CAMTA1: variants seen among roughly 807,000 people sequenced by gnomAD.
CAMTA1 encodes the protein calmodulin-binding transcription activator 1.
In CAMTA1, 27 loss-of-function variants were observed where a neutral mutation model predicts 170.9. The ratio of observed to expected loss-of-function variants is 0.16; its 90% CI spans 0.12 to 0.22. The LOEUF (loss-of-function observed/expected upper bound fraction) is 0.22. Among genes scored for constraint, CAMTA1 ranks in the 10% least tolerant of loss-of-function variants. CAMTA1 has a pLI of 1.00. For missense variants in CAMTA1, 1,619 were observed against 2,217.2 expected, an observed-to-expected ratio of 0.73 and a Z score of 5.42; for synonymous variants, 833 against 891.5, an observed-to-expected ratio of 0.93 and a Z score of 1.17.
intron 3 of CAMTA1, among the ~76,000 whole-genome samples, chr1:6,910,206 GTTTA>G (rs1330271341): frequency 6.6e-6 from 1 of 152,250 alleles, no homozygotes; most frequent in Non-Finnish European, 1.5e-5. Context: ...GGGGCACCTT[GTTTA>G]TTGTTCTCCT....
At chr1:7,699,636 C>G (rs1402063676) in intron 11 of CAMTA1, among the ~76,000 whole-genome samples, 1 of 152,182 alleles carries the variant, frequency 6.6e-6, no homozygotes, top group African/African-American at 2.4e-5. Flanking sequence ...TTTCCACCAC[C>G]AGTGTACAAA....
chr1:7,468,715 C>T (rs1019686603), intron 6 of CAMTA1, among the ~76,000 whole-genome samples: 2 of 152,222 alleles, frequency 1.3e-5, no homozygotes, highest in Non-Finnish European at 2.9e-5. Flanking sequence ...CTTACTGTTG[C>T]CTCTACCCAG....
At chr1:7,082,949 A>G (rs1401830946) in intron 3 of CAMTA1, among the ~76,000 whole-genome samples, 1 of 152,180 alleles carries the variant, frequency 6.6e-6, no homozygotes, top group African/African-American at 2.4e-5. Context: ...GCCGTTACTC[A>G]TGTGTCTTTG....
At chr1:7,719,856 C>T (rs895274804) in intron 11 of CAMTA1, among the ~76,000 whole-genome samples, 1 of 152,244 alleles carries the variant, frequency 6.6e-6, no homozygotes, top group Non-Finnish European at 1.5e-5. Context: ...GAAATAGTTG[C>T]AGGCATGCCT....
At chr1:7,679,237 C>T (rs2096158660) in intron 11 of CAMTA1, among the ~76,000 whole-genome samples, 1 of 152,200 alleles carries the variant, frequency 6.6e-6, no homozygotes, top group Admixed American at 6.5e-5. Context: ...AGGAACTCTC[C>T]AGAGCTCTGG....
intron 5 of CAMTA1, among the ~76,000 whole-genome samples, chr1:7,464,659 C>T (rs59446033): frequency 0.045 from 6,828 of 152,146 alleles, 251 homozygotes; most frequent in South Asian, 0.13. Context: ...GCTGTGCTTC[C>T]CTCGGCAAAC....
Position 7,251,600 on chromosome 1 carries a change from G to A in CAMTA1, c.438+1974G>A, listed in dbSNP as rs553908736. On this transcript the variant is annotated intron_variant, in intron 5 of 22. Coordinates refer to ENST00000303635, the MANE Select transcript of CAMTA1 (RefSeq NM_015215.4). The surrounding 1 kb of genome is among the most constrained non-coding windows in gnomAD (Gnocchi z 5.1). ...CCCACTGAGCCACTCAGCAGATATCGACCCTGTGTGCCTACTCTGTGCAAG... is the reference window on the plus strand; with the variant it reads ...CCCACTGAGCCACTCAGCAGATATCAACCCTGTGTGCCTACTCTGTGCAAG... Among the ~76,000 whole-genome samples the A allele has an allele frequency of 9.2e-5, 14 of 152,274 alleles. No homozygotes were observed. Among genetic ancestry groups the A allele is most frequent in the Admixed American group, 5.2e-4 (8 of 15,302 alleles).
intron 3 of CAMTA1, among the ~76,000 whole-genome samples, chr1:6,996,782 C>T (rs947654996): frequency 1.3e-5 from 2 of 152,110 alleles, no homozygotes; most frequent in Non-Finnish European, 2.9e-5. Context: ...CAAATCCCAC[C>T]CATTTCTGCC....
At chr1:6,910,803 T>C (rs910198063) in intron 3 of CAMTA1, among the ~76,000 whole-genome samples, 3 of 152,246 alleles carry the variant, frequency 2.0e-5, no homozygotes, top group Non-Finnish European at 4.4e-5. Flanking sequence ...CCAAGGTTGC[T>C]GGATCCGTGG....
chr1:7,566,064 G>A (rs1389218068), intron 6 of CAMTA1, among the ~76,000 whole-genome samples: 5 of 152,184 alleles, frequency 3.3e-5, no homozygotes, highest in Non-Finnish European at 7.3e-5. Flanking sequence ...TCACACTGGG[G>A]CTTTGAGCTT....
intron 3 of CAMTA1, among the ~76,000 whole-genome samples, chr1:6,883,289 G>A (rs1237667828): frequency 2.0e-5 from 3 of 152,184 alleles, no homozygotes; most frequent in East Asian, 1.9e-4. Context: ...GCTTGGTAGC[G>A]GGGCGATCGT....
rs1011528963 is a variant in CAMTA1 at position 6,934,959 on chromosome 1, C to T, written c.234+109749C>T. 6.6e-6 allele frequency among the ~76,000 whole-genome samples: 1 copy of T among 152,154 alleles called. No individual in the cohort carries two copies. The highest frequency in any genetic ancestry group is 2.4e-5 in the African/African-American group (1 of 41,430). Reference sequence around the variant, plus strand: ...CACAGGCAGCAAGAGCAACAGATTTCCCTGCAATATGTTACAAGGGGAAGA... The same window carrying T: ...CACAGGCAGCAAGAGCAACAGATTTTCCTGCAATATGTTACAAGGGGAAGA... On this transcript the variant is annotated intron_variant, in intron 3 of 22. Transcript: ENST00000303635. The surrounding 1 kb of genome is among the most constrained non-coding windows in gnomAD (Gnocchi z 4.5).
At chr1:7,513,400 G>A (rs748050505) in intron 6 of CAMTA1, among the ~76,000 whole-genome samples, 2 of 152,154 alleles carry the variant, frequency 1.3e-5, no homozygotes, top group Admixed American at 6.5e-5. Flanking sequence ...GCAAAGCAGC[G>A]TAGACTGGGC....
intron 3 of CAMTA1, among the ~76,000 whole-genome samples, chr1:6,912,191 G>C (rs1245045557): frequency 1.3e-5 from 2 of 152,212 alleles, no homozygotes; most frequent in Non-Finnish European, 2.9e-5. Context: ...CCCTGGATTA[G>C]TGGGTTTCAT....
At position 7,681,340 on chromosome 1, in the gene CAMTA1, A is replaced by G. The variant is rs2096203208; in HGVS notation, c.2914+3607A>G. ...GTGGTAAGGAAGGTTTCACAGAGGA[A>G]ACGACCCCCTTGGTGAGACCTGAAG... is the stretch of plus-strand genomic sequence containing the variant. On this transcript the variant is annotated intron_variant, in intron 11 of 22. Transcript: ENST00000303635. This position sits in a 1 kb window ranked among gnomAD's most constrained non-coding sequence, Gnocchi z 4.6. Among the ~76,000 whole-genome samples, 1 of 152,200 alleles carries G rather than the reference A, an allele frequency of 6.6e-6. No homozygotes were observed. The highest frequency in any genetic ancestry group is 6.5e-5 in the Admixed American group (1 of 15,282).
At chr1:7,461,235 A>G (rs1465503612) in intron 5 of CAMTA1, among the ~76,000 whole-genome samples, 4 of 152,138 alleles carry the variant, frequency 2.6e-5, no homozygotes, top group African/African-American at 9.7e-5. Context: ...ACAGGTGCCA[A>G]CCTTCAAGCA....
intron 3 of CAMTA1, among the ~76,000 whole-genome samples, chr1:7,083,738 C>T (rs188766581): frequency 1.6e-4 from 25 of 152,154 alleles, no homozygotes; most frequent in Admixed American, 5.9e-4. Flanking sequence ...TTGCTTTCAC[C>T]GTAAACATAT....
rs550737313 is a variant in CAMTA1, at chr1:7,751,704, C to G, written c.4883+312C>G. Among the ~76,000 whole-genome samples the G allele has an allele frequency of 8.8e-5, 12 of 136,186 alleles. No individual in the cohort carries two copies. The South Asian group carries it at 2.8e-3, about 32-fold the overall frequency. The allele number at this position is 136,186 out of a possible 152,430, so 89.3% of individuals were successfully genotyped here. A position where few individuals can be genotyped will look rare whatever the true frequency, so the allele number is the denominator to read the frequency against. Reference sequence around the variant, plus strand: ...TACCACTCAATTATAGTAGTTTAACCCATTTCCTGTTTAGGAAAAAAAAAA... The same window carrying G: ...TACCACTCAATTATAGTAGTTTAACGCATTTCCTGTTTAGGAAAAAAAAAA... On this transcript the variant is annotated intron_variant, in intron 20 of 22. Coordinates refer to ENST00000303635, the MANE Select transcript of CAMTA1 (RefSeq NM_015215.4).
Position 7,050,656 on chromosome 1 carries a change from A to G in CAMTA1, c.235-40648A>G, listed in dbSNP as rs1706189139. Among the ~76,000 whole-genome samples the G allele has an allele frequency of 7.0e-6, 1 of 143,528 alleles. No individual in the cohort carries two copies. Among genetic ancestry groups the G allele is most frequent in the Non-Finnish European group, 1.5e-5 (1 of 65,716 alleles). The allele number at this position is 143,528 out of a possible 152,430, so 94.2% of individuals were successfully genotyped here. A position where few individuals can be genotyped will look rare whatever the true frequency, so the allele number is the denominator to read the frequency against. On this transcript the variant is annotated intron_variant, in intron 3 of 22. Transcript: ENST00000303635. The surrounding 1 kb of genome is among the most constrained non-coding windows in gnomAD (Gnocchi z 4.8). ...GTTTATCACCAAGGTAGAAGAGTTC[A>G]TTGTCTATTTCTTAGGTGAGGGACT...
Sources: gnomAD v4.1 joint callset for allele counts (sites outside exome capture counted in the v4.1 genomes callset) on GRCh38, gnomAD v4.1.1 for gene constraint, Gnocchi (gnomAD v3.1) non-coding constraint, MANE v1.5 for transcripts, NCBI Gene and HGNC (gene_info 2026-07-23, HGNC 2026-07-21) for gene names.